The following MYBPC1 variants were observed in gnomAD, a reference collection of about 807,000 sequenced individuals.
MYBPC1 encodes myosin-binding protein C, slow-type.
Under a neutral mutation model 147.1 loss-of-function variants are expected in MYBPC1, and 52 were observed. That is an observed-to-expected ratio of 0.35 (90% CI 0.28 to 0.45). MYBPC1 has a LOEUF of 0.45. Among genes scored for constraint, MYBPC1 ranks in the 20% least tolerant of loss-of-function variants. The pLI is 1.00. For synonymous variants in MYBPC1, 477 were observed against 475.9 expected (o/e 1.00, Z -0.03); for missense variants, 1,228 against 1,440.3 (o/e 0.85, Z 2.39).
chr12:101,614,791 T>C lies in MYBPC1; in HGVS notation c.61+260T>C, dbSNP rs1446989383. The C allele has an allele frequency of 1.5e-5, 8 of 546,720 alleles. No homozygotes were observed. In the Admixed American group the frequency reaches 2.5e-4, roughly 17 times the overall value. 33.9% of individuals were successfully genotyped at this position (546,720 alleles called of 1,614,324 possible). A position where few individuals can be genotyped will look rare whatever the true frequency, so the allele number is the denominator to read the frequency against. On this transcript the variant is annotated intron_variant, in intron 2 of 31. Transcript: ENST00000361466. ...TTCTTATGAAACCTTTCAAATTATG[T>C]AAAAGTTATTATGTCCGCATTTTAC...
chr12:101,691,700 G>A, the MYBPC1 span, among the ~76,000 whole-genome samples: 1 of 152,224 alleles, frequency 6.6e-6, no homozygotes, highest in African/African-American at 2.4e-5. Flanking sequence ...TGTTACCATA[G>A]GAGGAGGCTG....
intron 2 of MYBPC1, 192 bp downstream of exon 2, chr12:101,614,723 T>C: frequency 1.6e-6 from 1 of 633,562 alleles, no homozygotes; most frequent in Non-Finnish European, 2.8e-6. Context: ...TCCTCTTGTG[T>C]TAATCTAATT....
chr12:101,611,188 G>A (rs187731685), intron 1 of MYBPC1, among the ~76,000 whole-genome samples: 4 of 152,304 alleles, frequency 2.6e-5, no homozygotes, highest in Admixed American at 6.5e-5. Context: ...TCCCACAACG[G>A]TCCTAGCAGT....
At chr12:101,660,623 A>G (rs1896355701) in intron 19 of MYBPC1, 1 of 163,618 alleles carries the variant, frequency 6.1e-6, no homozygotes, top group African/African-American at 2.4e-5. Flanking sequence ...ATTGAGCACA[A>G]ATTTTTGCCC....
intron 1 of MYBPC1, among the ~76,000 whole-genome samples, chr12:101,608,179 G>A (rs1882971832): frequency 6.6e-6 from 1 of 152,230 alleles, no homozygotes; most frequent in African/African-American, 2.4e-5. Context: ...CAGAGGGAGA[G>A]AAAGTCTGTA....
intron 11 of MYBPC1, among the ~76,000 whole-genome samples, chr12:101,643,102 G>T (rs567769817): frequency 7.2e-5 from 11 of 152,128 alleles, no homozygotes; most frequent in Admixed American, 1.3e-4. Flanking sequence ...TACATTTTAC[G>T]CTGACCATTA....
At chr12:101,627,243 A>T (rs1888808856) in intron 4 of MYBPC1, among the ~76,000 whole-genome samples, 1 of 151,770 alleles carries the variant, frequency 6.6e-6, no homozygotes, top group Middle Eastern at 3.2e-3. Context: ...GGATTTTAAA[A>T]TTTTTCTTTT....
At chr12:101,604,918 A>T (rs1170776925) in intron 1 of MYBPC1, among the ~76,000 whole-genome samples, 1 of 152,188 alleles carries the variant, frequency 6.6e-6, no homozygotes. Flanking sequence ...ACATTTAAGA[A>T]GGCACTGACT....
At chr12:101,636,615 ATTG>A (rs1671572670) in intron 9 of MYBPC1, 54 bp from the exon 10 acceptor site, 1 of 1,454,704 alleles carries the variant, frequency 6.9e-7, no homozygotes, top group Non-Finnish European at 9.7e-7. Context: ...TTTGGGGGAA[ATTG>A]TTGTGTATGT....
At chr12:101,695,653 T>C in the MYBPC1 span, among the ~76,000 whole-genome samples, 4 of 152,042 alleles carry the variant, frequency 2.6e-5, no homozygotes, top group African/African-American at 4.8e-5. Context: ...ACAAATAAGA[T>C]GACTGGAGCT....
chr12:101,603,532 C>T (rs368786728), intron 1 of MYBPC1, among the ~76,000 whole-genome samples: 3 of 152,218 alleles, frequency 2.0e-5, no homozygotes, highest in South Asian at 4.2e-4. Context: ...TATGACCCCA[C>T]CTGGCGTCAG....
At position 101,660,794 on chromosome 12, in the gene MYBPC1, T is replaced by C. The variant is rs376689741; in HGVS notation, c.1928-364T>C. Among the ~76,000 whole-genome samples the C allele has an allele frequency of 6.4e-4, 98 of 152,256 alleles. 2 individuals are homozygous for C. The East Asian group carries it at 0.014, about 21-fold the overall frequency. Reference sequence around the variant, plus strand: ...TGGAAGGTGAAAGCCATGTCTTCCATGGCAGCAGACAAGAGAGAGAGAATG... The same window carrying C: ...TGGAAGGTGAAAGCCATGTCTTCCACGGCAGCAGACAAGAGAGAGAGAATG... On this transcript the variant is annotated intron_variant, in intron 19 of 31. Coordinates refer to ENST00000361466, the MANE Select transcript of MYBPC1 (RefSeq NM_002465.4).
rs1409683540 is a variant in MYBPC1, at chr12:101,644,735, G to A, written c.904G>A (p.Ala302Thr). 1.2e-6 allele frequency: 2 copies of A among 1,613,854 alleles called. No individual in the cohort carries two copies. The highest frequency in any genetic ancestry group is 1.7e-6 in the Non-Finnish European group (2 of 1,179,912). Reference sequence around the variant, plus strand: ...CAGAGTGAGGTTTGTTGTGGAGCTGGCAGATCCAAAGTTGGAGGTGAAATG... The same window carrying A: ...CAGAGTGAGGTTTGTTGTGGAGCTGACAGATCCAAAGTTGGAGGTGAAATG... Reference protein sequence around the residue: ...GGRVRFVVELADPKLEVKWYK... With the variant: ...GGRVRFVVELTDPKLEVKWYK... Residue 302 changes from alanine to threonine, a missense_variant, in exon 12 of 32, where the codon GCA (alanine) becomes ACA (threonine). Coordinates refer to ENST00000361466, the MANE Select transcript of MYBPC1 (RefSeq NM_002465.4).
intron 23 of MYBPC1, among the ~76,000 whole-genome samples, chr12:101,669,224 T>C (rs1898068219): frequency 6.6e-6 from 1 of 152,192 alleles, no homozygotes; most frequent in South Asian, 2.1e-4. Context: ...AGTACAATGG[T>C]TGTCCCCAGG....
At chr12:101,693,236 G>A in the MYBPC1 span, among the ~76,000 whole-genome samples, 77,086 of 151,526 alleles carry the variant, frequency 0.51, 20,520 homozygotes, top group Admixed American at 0.59. Flanking sequence ...GTGAGCCACC[G>A]CGCCCAGCCT....
At chr12:101,673,041 C>A (rs368959582) in intron 24 of MYBPC1, among the ~76,000 whole-genome samples, 1 of 152,138 alleles carries the variant, frequency 6.6e-6, no homozygotes, top group Non-Finnish European at 1.5e-5. Context: ...ATTCCAGGGC[C>A]CCAGAGCCCA....
intron 28 of MYBPC1, among the ~76,000 whole-genome samples, chr12:101,679,412 G>A (rs999738545): frequency 3.5e-4 from 53 of 152,104 alleles, no homozygotes; most frequent in African/African-American, 1.2e-3. Context: ...CCCATTTGAC[G>A]GGTGGAAGGA....
At chr12:101,678,272 C>A (rs931082225) in intron 28 of MYBPC1, 34 bp downstream of exon 28, 4 of 1,610,650 alleles carry the variant, frequency 2.5e-6, no homozygotes, top group Non-Finnish European at 3.4e-6. Context: ...AGTTAAAGTC[C>A]CTGTCTTGTA....
At chr12:101,657,289 G>A (rs7970612) in intron 18 of MYBPC1, among the ~76,000 whole-genome samples, 61,550 of 151,990 alleles carry the variant, frequency 0.4, 13,001 homozygotes, top group Admixed American at 0.55. Flanking sequence ...CAAAGTTTAC[G>A]TGTTAGAAAA....
Sources: allele counts gnomAD v4.1 joint callset (sites outside exome capture counted in the v4.1 genomes callset), GRCh38; gene constraint gnomAD v4.1.1; transcripts MANE v1.5; gene names NCBI Gene and HGNC (gene_info 2026-07-23, HGNC 2026-07-21).